ARMCX4: variants seen among roughly 807,000 people sequenced by gnomAD.
ARMCX4 encodes armadillo repeat containing X-linked 4.
ARMCX4 carries 3 observed loss-of-function variants against 34.7 expected under a neutral mutation model. The ratio of observed to expected loss-of-function variants is 0.09; its 90% CI spans 0.04 to 0.22. ARMCX4 has a LOEUF of 0.22. Ranked by LOEUF, ARMCX4 falls within the 10% of genes least tolerant of loss-of-function variation. The probability of loss-of-function intolerance (pLI) is 1.00; values close to 1 mark genes in which losing one functional copy is unlikely to be tolerated. For synonymous variants in ARMCX4, 513 were observed against 632.8 expected, an observed-to-expected ratio of 0.81 and a Z score of 2.84; for missense variants, 1,448 against 1,720.8, an observed-to-expected ratio of 0.84 and a Z score of 2.81.
At chrX:101,433,156 A>G (rs1323611183) in intron 2 of ARMCX4, among the ~76,000 whole-genome samples, 4 of 74,191 alleles carry the variant, frequency 5.4e-5, no homozygotes, top group Non-Finnish European at 1.2e-4. Flanking sequence ...ACATATACAC[A>G]TATGTATACA....
upstream of ARMCX4, among the ~76,000 whole-genome samples, chrX:101,482,523 G>A (rs1380068539): frequency 8.2e-5 from 9 of 110,390 alleles, no homozygotes; most frequent in Non-Finnish European, 1.7e-4. Flanking sequence ...AGCCTCCCAA[G>A]TAGCTAGGAC....
intron 2 of ARMCX4, among the ~76,000 whole-genome samples, chrX:101,426,437 G>A (rs1195226908): frequency 1.8e-5 from 2 of 111,335 alleles, no homozygotes; most frequent in African/African-American, 6.5e-5. Context: ...TATTTTTTCT[G>A]TAAATGAGGG....
chrX:101,484,077 G>T (rs1933586303), upstream of ARMCX4, among the ~76,000 whole-genome samples: 3 of 111,666 alleles, frequency 2.7e-5, no homozygotes, highest in Middle Eastern at 4.6e-3. Flanking sequence ...CACAAGGCAG[G>T]ACATGAAAAA....
chrX:101,456,819 A>G (rs1169131576), intron 4 of ARMCX4, among the ~76,000 whole-genome samples: 2 of 111,386 alleles, frequency 1.8e-5, no homozygotes, highest in South Asian at 3.7e-4. Context: ...TGTTTAAAAC[A>G]GGATTCAAAG....
intron 11 of ARMCX4, among the ~76,000 whole-genome samples, chrX:101,527,898 A>T (rs1357225955): frequency 2.7e-5 from 3 of 111,914 alleles, no homozygotes; most frequent in African/African-American, 9.7e-5. Context: ...ATTCTACCAG[A>T]GGTACAAGGA....
downstream of ARMCX4, among the ~76,000 whole-genome samples, chrX:101,448,934 CAG>C (rs1207913219): frequency 2.7e-3 from 155 of 58,103 alleles, 1 homozygote; most frequent in African/African-American, 0.01. Context: ...TTTTTTTTTA[CAG>C]AGTCTTGCTC....
At position 101,493,434 on chromosome X, in the gene ARMCX4, T is replaced by C; in HGVS notation, c.4845T>C (p.Gly1615=). The change falls in exon 6 of 6, where the codon GGT becomes GGC. Residue 1615 remains glycine (G), a synonymous_variant. Coordinates refer to ENST00000423738, the MANE Select transcript of ARMCX4 (RefSeq NM_001256155.3). ...SSGIGSWGVA[G]GQVLGGARPG... is the part of the protein sequence containing the mutation. ...GAATAGGTTCCTGGGGTGTGGCTGG[T>C]GGCCAGGTCCTTGGGGGAGCTAGGC... 8.7e-7 allele frequency: 1 copy of C among 1,151,809 alleles called. No individual in the cohort carries two copies. Among genetic ancestry groups the C allele is most frequent in the East Asian group, 3.3e-5 (1 of 30,596 alleles). 94.9% of individuals were successfully genotyped at this position (1,151,809 alleles called of 1,213,427 possible). A position where few individuals can be genotyped will look rare whatever the true frequency, so the allele number is the denominator to read the frequency against.
upstream of ARMCX4, among the ~76,000 whole-genome samples, chrX:101,483,225 C>T (rs377619313): frequency 2.3e-4 from 24 of 106,209 alleles, no homozygotes; most frequent in East Asian, 4.0e-3. Context: ...ACAAGCATTG[C>T]GAAAAAAAAA....
rs868928573 is a variant in ARMCX4, at chrX:101,432,860, A to G, written n.165-11192A>G. ...TATGTATACATATGTGTATATATAC[A>G]CGTATATATACACATATGTATACGT... On this transcript the variant is annotated intron_variant and non_coding_transcript_variant, in intron 2 of 3. Transcript: ENST00000430461. Among the ~76,000 whole-genome samples the G allele has an allele frequency of 3.2e-5, 3 of 93,593 alleles. 1 individual carries two copies. The highest frequency in any genetic ancestry group is 1.1e-4 in the African/African-American group (3 of 26,588). The allele number at this position is 93,593 out of a possible 115,157, so 81.3% of individuals were successfully genotyped here.
chrX:101,454,085 A>C (rs1320354076), intron 4 of ARMCX4, among the ~76,000 whole-genome samples: 2 of 110,115 alleles, frequency 1.8e-5, no homozygotes, highest in African/African-American at 6.6e-5. Context: ...GATGGGTGTA[A>C]GTTTAGGGCA....
chrX:101,479,655 A>G (rs1933355621), intron 4 of ARMCX4, among the ~76,000 whole-genome samples: 1 of 108,728 alleles, frequency 9.2e-6, no homozygotes, highest in Non-Finnish European at 1.9e-5. Context: ...TAATTTTTGT[A>G]TTTTTAGTAA....
intron 4 of ARMCX4, among the ~76,000 whole-genome samples, chrX:101,458,579 C>T (rs1305728000): frequency 9.3e-6 from 1 of 107,714 alleles, no homozygotes; most frequent in Non-Finnish European, 1.9e-5. Context: ...CTCTGCCTCC[C>T]GGGTTCAAGC....
chrX:101,530,848 A>G (rs781834349), intron 11 of ARMCX4, among the ~76,000 whole-genome samples: 1 of 112,575 alleles, frequency 8.9e-6, no homozygotes, highest in East Asian at 2.8e-4. Context: ...AACCTCAGGA[A>G]TGGAGAAGCA....
At chrX:101,521,680 G>A (rs1460614916) in intron 11 of ARMCX4, among the ~76,000 whole-genome samples, 6 of 110,543 alleles carry the variant, frequency 5.4e-5, no homozygotes, top group African/African-American at 2.0e-4. Context: ...TTCTCTGTAA[G>A]CACTGTTTCA....
intron 4 of ARMCX4, among the ~76,000 whole-genome samples, chrX:101,457,166 C>T (rs1932331298): frequency 9.0e-6 from 1 of 111,655 alleles, no homozygotes; most frequent in South Asian, 3.7e-4. Context: ...TGACTGCATC[C>T]CTGTGGTATT....
intron 11 of ARMCX4, among the ~76,000 whole-genome samples, chrX:101,530,406 CA>C (rs1935099751): frequency 9.0e-6 from 1 of 110,876 alleles, no homozygotes; most frequent in African/African-American, 3.3e-5. Flanking sequence ...ATGGGTGCAG[CA>C]AACCAACATG....
At chrX:101,458,962 G>A (rs782642716) in intron 4 of ARMCX4, among the ~76,000 whole-genome samples, 2 of 111,970 alleles carry the variant, frequency 1.8e-5, no homozygotes, top group South Asian at 7.4e-4. Context: ...AAAAAACTTG[G>A]ATTTTCAAAG....
intron 11 of ARMCX4, among the ~76,000 whole-genome samples, chrX:101,528,128 A>T (rs1556021147): frequency 8.9e-6 from 1 of 111,963 alleles, no homozygotes; most frequent in African/African-American, 3.3e-5. Flanking sequence ...CAAAAAGCTT[A>T]TCCACCATGA....
At chrX:101,460,798 T>C (rs1275792471) in intron 4 of ARMCX4, among the ~76,000 whole-genome samples, 1 of 111,680 alleles carries the variant, frequency 9.0e-6, no homozygotes, top group Non-Finnish European at 1.9e-5. Context: ...CAGTAGCCAA[T>C]ATAAAGAGAT....
Sources: gnomAD v4.1 joint callset for allele counts (sites outside exome capture counted in the v4.1 genomes callset) on GRCh38, gnomAD v4.1.1 for gene constraint, MANE v1.5 for transcripts, NCBI Gene and HGNC (gene_info 2026-07-23, HGNC 2026-07-21) for gene names.